Variants in SUCO observed in about 807,000 individuals in gnomAD.
The protein encoded by SUCO is SUN domain containing ossification factor.
A neutral mutation model predicts 148.1 loss-of-function variants in SUCO; 57 were observed. The ratio of observed to expected loss-of-function variants is 0.38; its 90% CI spans 0.31 to 0.48. The LOEUF (loss-of-function observed/expected upper bound fraction) is 0.48. Among genes scored for constraint, SUCO ranks in the 20% least tolerant of loss-of-function variants. SUCO has a pLI of 0.96. For synonymous variants in SUCO, 470 were observed against 502.7 expected (o/e 0.93, Z 0.87); for missense variants, 1,331 against 1,468.2 (o/e 0.91, Z 1.53).
At position 172,572,142 on chromosome 1, in the gene SUCO, G is replaced by A. The variant is rs528534363; in HGVS notation, c.1049+1412G>A. Among the ~76,000 whole-genome samples the A allele has an allele frequency of 1.1e-3, 150 of 137,764 alleles. 3 individuals carry two copies. Among genetic ancestry groups the A allele is most frequent in the African/African-American group, 3.8e-3 (147 of 38,242 alleles). The allele number at this position is 137,764 out of a possible 152,430, so 90.4% of individuals were successfully genotyped here. A position where few individuals can be genotyped will look rare whatever the true frequency, so the allele number is the denominator to read the frequency against. On this transcript the variant is annotated intron_variant, in intron 9 of 23. Coordinates refer to ENST00000263688, the MANE Select transcript of SUCO (RefSeq NM_014283.5). Reference sequence around the variant, plus strand: ...AGGTGAGGGGCGCCTCTGCCCGGCCGCCCCTACTGGGAAGTGAGGAGCCCC... The same window carrying A: ...AGGTGAGGGGCGCCTCTGCCCGGCCACCCCTACTGGGAAGTGAGGAGCCCC...
At chr1:172,533,114 C>A (rs767897404), upstream of SUCO, 6 of 1,431,346 alleles carry the variant, frequency 4.2e-6, no homozygotes, top group Non-Finnish European at 4.6e-6. Flanking sequence ...TGGTCGCTGG[C>A]CTCACGGAGC....
intron 10 of SUCO, 67 bp from the exon 11 acceptor site, chr1:172,575,451 T>C: frequency 8.7e-7 from 1 of 1,143,104 alleles, no homozygotes; most frequent in Non-Finnish European, 1.3e-6. Flanking sequence ...ATTTTGAAAA[T>C]ATGATAGAAC....
chr1:172,598,569 T>G (rs756716753), intron 19 of SUCO, among the ~76,000 whole-genome samples: 2 of 152,224 alleles, frequency 1.3e-5, no homozygotes, highest in Non-Finnish European at 2.9e-5. Context: ...ATGAACGCAG[T>G]GTGTTATTTA....
chr1:172,543,453 G>A (rs916296865), intron 1 of SUCO, among the ~76,000 whole-genome samples: 1 of 152,114 alleles, frequency 6.6e-6, no homozygotes, highest in Non-Finnish European at 1.5e-5. Flanking sequence ...ATTATTTCCA[G>A]CATCTTAGAG....
At chr1:172,601,929 C>G in intron 20 of SUCO, 135 bp from the exon 21 acceptor site, 1 of 805,110 alleles carries the variant, frequency 1.2e-6, no homozygotes. Flanking sequence ...TTTCAAAGAG[C>G]ATGCCCTGCA....
intron 17 of SUCO, among the ~76,000 whole-genome samples, chr1:172,586,519 G>A (rs1656259210): frequency 6.6e-6 from 1 of 152,048 alleles, no homozygotes; most frequent in African/African-American, 2.4e-5. Context: ...TTCTGCCAGA[G>A]GTGGTTACTT....
At chr1:172,565,094 A>G (rs557540336) in intron 6 of SUCO, among the ~76,000 whole-genome samples, 15 of 151,564 alleles carry the variant, frequency 9.9e-5, no homozygotes, top group Non-Finnish European at 1.5e-4. Context: ...GTTCTGTTCT[A>G]TTCTATTCTC....
chr1:172,588,308 C>G (rs761067379), intron 17 of SUCO: 2 of 985,230 alleles, frequency 2.0e-6, no homozygotes, highest in Non-Finnish European at 2.4e-6. Flanking sequence ...TATTAAGAAT[C>G]CTAGATTCTA....
At chr1:172,564,738 A>G (rs1303979340) in intron 6 of SUCO, among the ~76,000 whole-genome samples, 1 of 152,092 alleles carries the variant, frequency 6.6e-6, no homozygotes, top group Admixed American at 6.6e-5. Flanking sequence ...AGGATTTACT[A>G]TGCAAGATTT....
At chr1:172,555,100 T>G (rs112574504) in intron 3 of SUCO, among the ~76,000 whole-genome samples, 16 of 152,168 alleles carry the variant, frequency 1.1e-4, no homozygotes, top group Admixed American at 6.5e-4. Context: ...AAACACCTAC[T>G]GTGCGCTAGA....
upstream of SUCO, chr1:172,532,938 G>A: frequency 7.4e-7 from 1 of 1,359,340 alleles, no homozygotes; most frequent in Non-Finnish European, 9.7e-7. Context: ...TCCTGCCTCC[G>A]GCTTCTCCGC....
intron 9 of SUCO, among the ~76,000 whole-genome samples, chr1:172,572,045 C>T (rs75298556): frequency 5.1e-4 from 23 of 45,252 alleles, no homozygotes; most frequent in East Asian, 2.6e-3. Flanking sequence ...GTCAGCCCCC[C>T]GCCCGGCCAG....
At chr1:172,607,733 C>G (rs1048970404) in intron 22 of SUCO, among the ~76,000 whole-genome samples, 1 of 151,648 alleles carries the variant, frequency 6.6e-6, no homozygotes, top group Non-Finnish European at 1.5e-5. Context: ...AATAACATAA[C>G]TGTTTCTAGA....
intron 15 of SUCO, among the ~76,000 whole-genome samples, chr1:172,579,502 G>A (rs1655714942): frequency 6.6e-6 from 1 of 152,030 alleles, no homozygotes; most frequent in Non-Finnish European, 1.5e-5. Context: ...CTAATTAGGC[G>A]CTGACATTTT....
In SUCO at chr1:172,589,536, A is replaced by G. The variant is rs1206096501; in HGVS notation, c.2435A>G (p.Asn812Ser). 1.2e-6 allele frequency: 2 copies of G among 1,613,574 alleles called. No homozygotes were observed. The highest frequency in any genetic ancestry group is 2.7e-5 in the African/African-American group (2 of 74,892). The change falls in exon 18 of 24, where the codon AAC becomes AGC. Residue 812 changes from asparagine (N) to serine (S), a missense_variant. Around this residue, in one of 3 missense-constraint regions of SUCO, gnomAD observed 992 missense variants for 1,093.5 expected, o/e 0.91. Transcript: ENST00000263688. ...GATAATATTATAAAAGAAGATGTGAACTCCATGCAAATTTTCACAAAGCTG... is the reference window on the plus strand; with the variant it reads ...GATAATATTATAAAAGAAGATGTGAGCTCCATGCAAATTTTCACAAAGCTG... ...LMDNIIKEDV[N>S]SMQIFTKLSE...
chr1:172,553,236 AT>A lies in SUCO; in HGVS notation c.178-19del. 1 of 1,531,970 alleles carries A rather than the reference AT, an allele frequency of 6.5e-7. No individual in the cohort carries two copies. Among genetic ancestry groups the A allele is most frequent in the South Asian group, 1.3e-5 (1 of 78,892 alleles). The allele number at this position is 1,531,970 out of a possible 1,614,324, so 94.9% of individuals were successfully genotyped here. On this transcript the variant is annotated intron_variant, in intron 2 of 23. Transcript: ENST00000263688. ...TTTTGTAAAACAGTTTTATCAGGTG[AT>A]TTTTGTTGTTGTTGTTATATAGGAT... is the stretch of plus-strand genomic sequence containing the variant.
intron 1 of SUCO, among the ~76,000 whole-genome samples, chr1:172,544,922 T>C (rs1431968119): frequency 1.3e-5 from 2 of 152,162 alleles, no homozygotes; most frequent in African/African-American, 4.8e-5. Flanking sequence ...AAGTTAGGAA[T>C]TAGGGAGATC....
intron 3 of SUCO, chr1:172,555,431 G>C: frequency 1.0e-6 from 1 of 984,894 alleles, no homozygotes. Flanking sequence ...ATCATTTATT[G>C]CTTCATGGTG....
At chr1:172,532,492 G>GC (rs757555875), upstream of SUCO, 4 of 1,612,820 alleles carry the variant, frequency 2.5e-6, no homozygotes, top group African/African-American at 5.3e-5. Flanking sequence ...TTCTTGGCAC[G>GC]CCCCTTTCTA....
Sources: allele counts gnomAD v4.1 joint callset (sites outside exome capture counted in the v4.1 genomes callset), GRCh38; gene constraint gnomAD v4.1.1; regional missense constraint gnomAD v4.1.1; transcripts MANE v1.5; gene names NCBI Gene and HGNC (gene_info 2026-07-23, HGNC 2026-07-21).